Variants in NME4 observed in about 807,000 individuals in gnomAD.
NME4 encodes NME/NM23 nucleoside diphosphate kinase 4.
In NME4, 21 loss-of-function variants were observed where a neutral mutation model predicts 16.4. The observed-to-expected ratio is 1.28, with a 90% CI of 0.91 to 1.84. The LOEUF (loss-of-function observed/expected upper bound fraction) is 1.84, where lower values mean the gene tolerates loss of function less well. Among genes scored for constraint, NME4 ranks in the 40% most tolerant of loss-of-function variants. The probability of loss-of-function intolerance (pLI) is 0.00; values close to 1 mark genes in which losing one functional copy is unlikely to be tolerated. For synonymous variants in NME4, 132 were observed against 107.5 expected (o/e 1.23, Z -1.41); for missense variants, 316 against 261.3 (o/e 1.21, Z -1.44).
intron 3 of NME4, 61 bp downstream of exon 3, chr16:399,541 C>T: frequency 1.3e-6 from 2 of 1,586,992 alleles, no homozygotes; most frequent in Non-Finnish European, 1.7e-6. Context: ...GTGTGTCTTT[C>T]CCCCCAGCAA....
At position 400,341 on chromosome 16, in the gene NME4, GAGGCTCA is replaced by G; in HGVS notation, c.*2_*8del. 6.2e-7 allele frequency: 1 copy of G among 1,600,988 alleles called. No individual in the cohort carries two copies. Among genetic ancestry groups the G allele is most frequent in the Non-Finnish European group, 8.5e-7 (1 of 1,178,086 alleles). On this transcript the variant is annotated stop_retained_variant and 3_prime_UTR_variant, in exon 5 of 5. Transcript: ENST00000219479. ...CAGCACAGCAGCATCCACCCAGCCTGAGGCTCAAGCTGCCCTTACCACCCCATCCCCC... is the reference window on the plus strand; with the variant it reads ...CAGCACAGCAGCATCCACCCAGCCTGAGCTGCCCTTACCACCCCATCCCCC...
Position 399,394 on chromosome 16 carries a change from C to T in NME4, c.241C>T (p.Leu81Phe). 1 of 1,612,996 alleles carries T rather than the reference C, an allele frequency of 6.2e-7. No individual in the cohort carries two copies. The highest frequency in any genetic ancestry group is 8.5e-7 in the Non-Finnish European group (1 of 1,179,988). The change falls in exon 3 of 5, where the codon CTT becomes TTT. Residue 81 changes from leucine (L) to phenylalanine (F), a missense_variant. Coordinates refer to ENST00000219479, the MANE Select transcript of NME4 (RefSeq NM_005009.3). The part of the protein sequence containing the change: ...MKMLQAPESV[L>F]AEHYQDLRRK... ...TGCCACCCAGGCACCAGAGAGCGTC[C>T]TTGCCGAGCACTACCAGGACCTGCG...
At chr16:399,995 G>A in intron 4 of NME4, 1 of 711,416 alleles carries the variant, frequency 1.4e-6, no homozygotes, top group Non-Finnish European at 2.4e-6. Context: ...CAACTTGGGG[G>A]GAAATGAGGC....
rs921979533 is a variant in NME4 at position 398,060 on chromosome 16, C to T, written c.91+747C>T. 64 of 1,528,196 alleles carry T rather than the reference C, an allele frequency of 4.2e-5. No homozygotes were observed. The African/African-American group carries it at 6.9e-4, about 16-fold the overall frequency. The allele number at this position is 1,528,196 out of a possible 1,614,324, so 94.7% of individuals were successfully genotyped here. A position where few individuals can be genotyped will look rare whatever the true frequency, so the allele number is the denominator to read the frequency against. On this transcript the variant is annotated intron_variant, in intron 1 of 4. Transcript: ENST00000219479. ...GGGTTAACTTTTCCTCCTGGCCTGGCGGAGCCCCTTTGGCTCTGTCCAGAT... is the reference window on the plus strand; with the variant it reads ...GGGTTAACTTTTCCTCCTGGCCTGGTGGAGCCCCTTTGGCTCTGTCCAGAT...
rs1055353250 is a variant in NME4, at chr16:397,281, C to G, written c.59C>G (p.Pro20Arg). 4 of 1,058,092 alleles carry G rather than the reference C, an allele frequency of 3.8e-6. No homozygotes were observed. The highest frequency in any genetic ancestry group is 4.3e-4 in the Middle Eastern group (1 of 2,312). The allele number at this position is 1,058,092 out of a possible 1,614,324, so 65.5% of individuals were successfully genotyped here. A position where few individuals can be genotyped will look rare whatever the true frequency, so the allele number is the denominator to read the frequency against. ...LRGLRCGPRAPGPSLLVRHGS... is the reference protein window; with the variant it reads ...LRGLRCGPRARGPSLLVRHGS... ...GGGCTGCGCTGCGGCCCGCGGGCCC[C>G]GGGCCCGAGCCTGCTAGTGCGCCAC... The change falls in exon 1 of 5, where the codon CCG becomes CGG. Residue 20 changes from proline (P) to arginine (R), a missense_variant. Physicochemically the swap from Pro to Arg is moderately radical, Grantham distance 103. Coordinates refer to ENST00000219479, the MANE Select transcript of NME4 (RefSeq NM_005009.3).
At position 397,258 on chromosome 16, in the gene NME4, G is replaced by A. The variant is rs928134017; in HGVS notation, c.36G>A (p.Gly12=). The change falls in exon 1 of 5, where the codon GGG becomes GGA. Residue 12 remains glycine, a synonymous_variant. Transcript: ENST00000219479. Reference sequence around the variant, plus strand: ...TCTTCTGGCGCTCCGCGCTGCGGGGGCTGCGCTGCGGCCCGCGGGCCCCGG... The same window carrying A: ...TCTTCTGGCGCTCCGCGCTGCGGGGACTGCGCTGCGGCCCGCGGGCCCCGG... ...GGLFWRSALR[G]LRCGPRAPGP... 24 of 1,049,330 alleles carry A rather than the reference G, an allele frequency of 2.3e-5. No homozygotes were observed. Among genetic ancestry groups the A allele is most frequent in the Admixed American group, 5.6e-5 (1 of 17,874 alleles). 65.0% of individuals were successfully genotyped at this position (1,049,330 alleles called of 1,614,324 possible). A position where few individuals can be genotyped will look rare whatever the true frequency, so the allele number is the denominator to read the frequency against.
Position 400,356 on chromosome 16 carries a change from C to T in NME4, c.*14C>T, listed in dbSNP as rs771288342. Reference sequence around the variant, plus strand: ...CACCCAGCCTGAGGCTCAAGCTGCCCTTACCACCCCATCCCCCACGCAGGA... The same window carrying T: ...CACCCAGCCTGAGGCTCAAGCTGCCTTTACCACCCCATCCCCCACGCAGGA... On this transcript the variant is annotated 3_prime_UTR_variant, in exon 5 of 5. Coordinates refer to ENST00000219479, the MANE Select transcript of NME4 (RefSeq NM_005009.3). The T allele has an allele frequency of 6.3e-7, 1 of 1,595,370 alleles. No individual in the cohort carries two copies. The highest frequency in any genetic ancestry group is 8.5e-7 in the Non-Finnish European group (1 of 1,177,292).
intron 1 of NME4, 61 bp downstream of exon 1, chr16:397,374 G>T: frequency 3.0e-6 from 2 of 658,748 alleles, no homozygotes; most frequent in Non-Finnish European, 3.8e-6. Flanking sequence ...CGCGCCGCTC[G>T]GCCTTTGTGC....
intron 2 of NME4, 114 bp downstream of exon 2, chr16:399,237 G>A (rs2054608129): frequency 6.8e-7 from 1 of 1,473,042 alleles, no homozygotes; most frequent in African/African-American, 1.4e-5. Context: ...GCAGTTGAAG[G>A]GGCAGGAGGG....
rs1230407590 is a variant in NME4, at chr16:398,287, C to G, written c.92-703C>G. 4 of 1,363,248 alleles carry G rather than the reference C, an allele frequency of 2.9e-6. No homozygotes were observed. In the African/African-American group the frequency reaches 5.9e-5, roughly 20 times the overall value. 84.4% of individuals were successfully genotyped at this position (1,363,248 alleles called of 1,614,324 possible). On this transcript the variant is annotated intron_variant, in intron 1 of 4. Coordinates refer to ENST00000219479, the MANE Select transcript of NME4 (RefSeq NM_005009.3). ...GGAAGCGACAGGCCTTGAAACTCCACAGCAGCACAGGCCCCGTCTCCTGGC... is the reference window on the plus strand; with the variant it reads ...GGAAGCGACAGGCCTTGAAACTCCAGAGCAGCACAGGCCCCGTCTCCTGGC...
intron 1 of NME4, chr16:398,743 G>A: frequency 1.7e-6 from 1 of 586,490 alleles, no homozygotes; most frequent in Non-Finnish European, 3.0e-6. Flanking sequence ...CTCTGCCTCT[G>A]CTGGGAGGAG....
chr16:397,185 C>A, upstream of NME4: 1 of 928,636 alleles, frequency 1.1e-6, no homozygotes, highest in African/African-American at 1.8e-5. Context: ...CCTCCGCGCC[C>A]GCTCCTCGCG....
At position 397,312 on chromosome 16, in the gene NME4, G is replaced by C. The variant is rs1477432421; in HGVS notation, c.90G>C (p.Ser30=). ...PGPSLLVRHG[S]GGPSWTRERT... ...CGAGCCTGCTAGTGCGCCACGGCTC[G>C]GGTGAGTGGGGCCGCGCGCCCCGGC... The change falls in exon 1 of 5, where the codon TCG becomes TCC. Residue 30 remains serine (S), a splice_region_variant and synonymous_variant. Transcript: ENST00000219479. 5 of 1,043,018 alleles carry C rather than the reference G, an allele frequency of 4.8e-6. No individual in the cohort carries two copies. Among genetic ancestry groups the C allele is most frequent in the East Asian group, 1.4e-4 (2 of 14,664 alleles). The allele number at this position is 1,043,018 out of a possible 1,614,324, so 64.6% of individuals were successfully genotyped here.
intron 1 of NME4, chr16:398,314 C>G: frequency 4.5e-6 from 6 of 1,330,468 alleles, no homozygotes; most frequent in Non-Finnish European, 5.9e-6. Flanking sequence ...TCTCCTGGCT[C>G]GGACAGAACC....
rs1259413007 is a variant in NME4 at position 397,825 on chromosome 16, C to G, written c.91+512C>G. On this transcript the variant is annotated intron_variant, in intron 1 of 4. Coordinates refer to ENST00000219479, the MANE Select transcript of NME4 (RefSeq NM_005009.3). ...GACGTCAGGCCCCAAGTCCCCGGCC[C>G]CGCCGCTGCCCGGCCCCCCCAGCTG... 3 of 1,509,984 alleles carry G rather than the reference C, an allele frequency of 2.0e-6. No individual in the cohort carries two copies. In the African/African-American group the frequency reaches 4.3e-5, roughly 22 times the overall value. 93.5% of individuals were successfully genotyped at this position (1,509,984 alleles called of 1,614,324 possible). A position where few individuals can be genotyped will look rare whatever the true frequency, so the allele number is the denominator to read the frequency against.
chr16:397,599 G>C (rs1281546958), intron 1 of NME4: 1 of 71,766 alleles, frequency 1.4e-5, no homozygotes, highest in African/African-American at 6.2e-5. Context: ...GCCCGGGAGC[G>C]CAAGGAAGGC....
chr16:399,338 G>T, intron 2 of NME4, 41 bp from the exon 3 acceptor site: 1 of 1,590,392 alleles, frequency 6.3e-7, no homozygotes, highest in Non-Finnish European at 8.6e-7. Context: ...TAGTGCCCAC[G>T]TTTACTGTCT....
At chr16:398,063 A>G (rs1317135675) in intron 1 of NME4, 1 of 1,529,576 alleles carries the variant, frequency 6.5e-7, no homozygotes, top group African/African-American at 1.4e-5. Context: ...GGCCTGGCGG[A>G]GCCCCTTTGG....
intron 1 of NME4, chr16:397,766 C>T: frequency 8.7e-6 from 10 of 1,145,542 alleles, no homozygotes; most frequent in South Asian, 2.2e-5. Context: ...CTGGGGCGTT[C>T]GCTGAAGGCC....
Sources: gnomAD v4.1 joint callset for allele counts on GRCh38, gnomAD v4.1.1 for gene constraint, MANE v1.5 for transcripts, NCBI Gene and HGNC (gene_info 2026-07-23, HGNC 2026-07-21) for gene names.